Variants in CAST observed in about 807,000 individuals in gnomAD.
CAST encodes MIR583 host.
Under a neutral mutation model 119.6 loss-of-function variants are expected in CAST, and 76 were observed. That is an observed-to-expected ratio of 0.64 (90% CI 0.53 to 0.77). The LOEUF is 0.77. Among genes scored for constraint, CAST ranks in the 30% least tolerant of loss-of-function variants. The pLI is 0.00. For synonymous variants in CAST, 319 were observed against 331.6 expected, an observed-to-expected ratio of 0.96 and a Z score of 0.41; for missense variants, 953 against 946.5, an observed-to-expected ratio of 1.01 and a Z score of -0.09.
intron 1 of CAST, among the ~76,000 whole-genome samples, chr5:96,532,629 C>T (rs922607419): frequency 3.9e-5 from 6 of 152,174 alleles, no homozygotes; most frequent in Admixed American, 2.0e-4. Context: ...GCAGGCAGAT[C>T]ACCTGAGATC....
the CAST span, among the ~76,000 whole-genome samples, chr5:96,336,664 A>G: frequency 1.3e-5 from 2 of 152,186 alleles, no homozygotes; most frequent in South Asian, 2.1e-4. Context: ...TGCTGTAGAC[A>G]TTTACTATTA....
chr5:96,526,658 C>T (rs1217233660), upstream of CAST, among the ~76,000 whole-genome samples: 1 of 152,072 alleles, frequency 6.6e-6, no homozygotes, highest in East Asian at 1.9e-4. Flanking sequence ...AACTTGCTGC[C>T]CTATTGCCAT....
chr5:96,592,325 C>T (rs375556628), intron 1 of CAST, among the ~76,000 whole-genome samples: 12 of 151,062 alleles, frequency 7.9e-5, no homozygotes, highest in Non-Finnish European at 1.2e-4. Context: ...AGTTTGAGCC[C>T]GGGAGGTGGA....
chr5:96,609,702 A>T (rs1747324861), intron 1 of CAST, among the ~76,000 whole-genome samples: 1 of 152,236 alleles, frequency 6.6e-6, no homozygotes, highest in African/African-American at 2.4e-5. Flanking sequence ...GGATCTTTCA[A>T]AACCAGAGGA....
the CAST span, among the ~76,000 whole-genome samples, chr5:96,159,966 CTA>C: frequency 1.2e-5 from 1 of 83,914 alleles, no homozygotes; most frequent in Non-Finnish European, 2.6e-5. Context: ...CCTGTCTCTA[CTA>C]AAAAAAAAAA....
At chr5:96,156,623 T>G in the CAST span, among the ~76,000 whole-genome samples, 1 of 152,148 alleles carries the variant, frequency 6.6e-6, no homozygotes, top group Non-Finnish European at 1.5e-5. Flanking sequence ...GAGCTCCAAT[T>G]AGGGAGAAAT....
At chr5:96,291,577 A>G in the CAST span, among the ~76,000 whole-genome samples, 1 of 152,044 alleles carries the variant, frequency 6.6e-6, no homozygotes, top group African/African-American at 2.4e-5. Context: ...TGGTATCCAC[A>G]TGGCTCACTT....
the CAST span, among the ~76,000 whole-genome samples, chr5:95,984,715 G>C: frequency 2.0e-5 from 3 of 152,146 alleles, no homozygotes; most frequent in African/African-American, 7.2e-5. Flanking sequence ...ACAATGTCCA[G>C]CACTGGTATG....
chr5:96,268,373 G>A, the CAST span, among the ~76,000 whole-genome samples: 1 of 152,078 alleles, frequency 6.6e-6, no homozygotes, highest in African/African-American at 2.4e-5. Flanking sequence ...AGAAGTTCGG[G>A]CCCAGTCTGG....
the CAST span, among the ~76,000 whole-genome samples, chr5:96,169,273 G>C: frequency 6.6e-6 from 1 of 152,184 alleles, no homozygotes; most frequent in South Asian, 2.1e-4. Context: ...GTACAGCCCA[G>C]GTAATTTGCT....
At chr5:96,382,196 T>G in the CAST span, among the ~76,000 whole-genome samples, 1 of 152,222 alleles carries the variant, frequency 6.6e-6, no homozygotes, top group East Asian at 1.9e-4. Context: ...AGGATTCTGT[T>G]CTCAGCTAGT....
At chr5:96,345,345 C>G in the CAST span, among the ~76,000 whole-genome samples, 7 of 152,090 alleles carry the variant, frequency 4.6e-5, no homozygotes, top group Admixed American at 3.9e-4. Flanking sequence ...GGATGATACA[C>G]TATTTTACTG....
chr5:96,246,308 G>T, the CAST span, among the ~76,000 whole-genome samples: 2 of 150,370 alleles, frequency 1.3e-5, no homozygotes, highest in South Asian at 4.2e-4. Context: ...TCAGCCTCCC[G>T]AGTAGCTGGG....
intron 2 of CAST, among the ~76,000 whole-genome samples, chr5:96,693,523 C>A (rs1307328934): frequency 6.6e-6 from 1 of 152,168 alleles, no homozygotes; most frequent in Non-Finnish European, 1.5e-5. Context: ...TAGCTAAGAT[C>A]AAAAGCTAAT....
the CAST span, among the ~76,000 whole-genome samples, chr5:96,040,821 C>T: frequency 2.2e-4 from 34 of 152,104 alleles, no homozygotes; most frequent in South Asian, 6.8e-3. Context: ...GGGATATTGG[C>T]CTAAAATTCT....
the CAST span, among the ~76,000 whole-genome samples, chr5:96,136,341 A>C: frequency 3.1e-4 from 43 of 137,694 alleles, no homozygotes; most frequent in Admixed American, 2.9e-3. Context: ...ACATAATTGC[A>C]CCTCTTTTGT....
chr5:96,632,619 G>A (rs1747835720), intron 1 of CAST, among the ~76,000 whole-genome samples: 1 of 151,202 alleles, frequency 6.6e-6, no homozygotes. Flanking sequence ...TACAGGGTGA[G>A]AACAGAGTGC....
the CAST span, chr5:96,432,177 T>C: frequency 2.0e-6 from 3 of 1,517,588 alleles, no homozygotes; most frequent in Admixed American, 5.9e-5. Context: ...GTTATGAAGC[T>C]TGGACTTTAT....
At chr5:96,083,016 A>C in the CAST span, among the ~76,000 whole-genome samples, 1 of 152,228 alleles carries the variant, frequency 6.6e-6, no homozygotes, top group Non-Finnish European at 1.5e-5. Context: ...TATTTCACTC[A>C]GTGTTCTCCA....
Sources: gnomAD v4.1 joint callset for allele counts (sites outside exome capture counted in the v4.1 genomes callset) on GRCh38, gnomAD v4.1.1 for gene constraint, MANE v1.5 for transcripts, NCBI Gene and HGNC (gene_info 2026-07-23, HGNC 2026-07-21) for gene names.